The following ENTREP2 variants were observed in gnomAD, a reference collection of about 807,000 sequenced individuals.
ENTREP2 encodes the protein endosomal transmembrane epsin interactor 2.
the ENTREP2 span, among the ~76,000 whole-genome samples, chr15:29,549,274 C>CTTTT: frequency 6.0e-3 from 866 of 145,036 alleles, 19 homozygotes; most frequent in African/African-American, 0.019. Flanking sequence ...ATTTGTTATA[C>CTTTT]ATTTTTTTTT....
chr15:29,620,795 GA>G, the ENTREP2 span, among the ~76,000 whole-genome samples: 1 of 152,124 alleles, frequency 6.6e-6, no homozygotes, highest in Non-Finnish European at 1.5e-5. Context: ...TGCTTGGGCA[GA>G]CAGAGGGTTC....
At chr15:29,345,323 G>A in the ENTREP2 span, among the ~76,000 whole-genome samples, 1 of 152,164 alleles carries the variant, frequency 6.6e-6, no homozygotes, top group Middle Eastern at 3.2e-3. Flanking sequence ...TAATGCCAGG[G>A]TCCTTCCTGT....
chr15:29,196,795 A>C, the ENTREP2 span: 2 of 450,310 alleles, frequency 4.4e-6, no homozygotes, highest in East Asian at 6.9e-5. Flanking sequence ...CATTTGAAGA[A>C]ACTTAAGCTA....
chr15:29,574,518 G>A, the ENTREP2 span, among the ~76,000 whole-genome samples: 2 of 151,988 alleles, frequency 1.3e-5, no homozygotes, highest in Non-Finnish European at 2.9e-5. Context: ...GGTCTAGATC[G>A]CTTGACTTTG....
At chr15:29,278,454 C>T in the ENTREP2 span, among the ~76,000 whole-genome samples, 5 of 152,300 alleles carry the variant, frequency 3.3e-5, no homozygotes, top group African/African-American at 1.2e-4. Context: ...GGCTGTTGTT[C>T]TTTGGGAGAG....
the ENTREP2 span, among the ~76,000 whole-genome samples, chr15:29,534,524 C>G: frequency 1.3e-5 from 2 of 152,170 alleles, no homozygotes; most frequent in African/African-American, 4.8e-5. Flanking sequence ...CTATAAATGA[C>G]CCAGATTAGT....
chr15:29,407,355 A>C, the ENTREP2 span, among the ~76,000 whole-genome samples: 14 of 152,198 alleles, frequency 9.2e-5, no homozygotes, highest in Admixed American at 8.5e-4. Context: ...CATTGAGGGA[A>C]GCGTTGGTGT....
the ENTREP2 span, among the ~76,000 whole-genome samples, chr15:29,471,258 T>G: frequency 1.3e-5 from 2 of 152,146 alleles, no homozygotes; most frequent in Non-Finnish European, 2.9e-5. Flanking sequence ...GCTCCATCAC[T>G]AAGAGTAAAA....
At chr15:29,205,839 T>A in the ENTREP2 span, among the ~76,000 whole-genome samples, 1 of 152,248 alleles carries the variant, frequency 6.6e-6, no homozygotes, top group Non-Finnish European at 1.5e-5. Flanking sequence ...TCCATCACTT[T>A]CACAAAAACT....
the ENTREP2 span, among the ~76,000 whole-genome samples, chr15:29,190,044 G>A: frequency 6.6e-6 from 1 of 152,174 alleles, no homozygotes; most frequent in Non-Finnish European, 1.5e-5. Flanking sequence ...CCTGTCATCG[G>A]GAAGCAGGGA....
chr15:29,499,091 C>T, the ENTREP2 span, among the ~76,000 whole-genome samples: 1,038 of 152,250 alleles, frequency 6.8e-3, 7 homozygotes, highest in African/African-American at 0.024. Context: ...GTTTTTAAAT[C>T]TATTCAGCCA....
At chr15:29,144,946 C>T in the ENTREP2 span, among the ~76,000 whole-genome samples, 3 of 152,020 alleles carry the variant, frequency 2.0e-5, no homozygotes, top group Admixed American at 6.6e-5. Context: ...ATCCCAGCTA[C>T]TAAGGAGGCT....
chr15:29,480,338 CAAAAAAAAAAAAA>C, the ENTREP2 span, among the ~76,000 whole-genome samples: 18 of 29,418 alleles, frequency 6.1e-4, no homozygotes, highest in African/African-American at 1.3e-3. Context: ...TTCACTATAG[CAAAAAAAAAAAAA>C]AAAAAAAAAA....
At chr15:29,486,559 C>T in the ENTREP2 span, among the ~76,000 whole-genome samples, 6 of 152,054 alleles carry the variant, frequency 3.9e-5, no homozygotes, top group Non-Finnish European at 8.8e-5. Context: ...GGCGTGGTGG[C>T]GTGCGCCTGT....
At chr15:29,577,313 GGTGTGTGT>G in the ENTREP2 span, among the ~76,000 whole-genome samples, 4 of 139,800 alleles carry the variant, frequency 2.9e-5, no homozygotes, top group Admixed American at 7.3e-5. Context: ...GACTCAAAGA[GGTGTGTGT>G]GTGTGTGTGT....
At chr15:29,290,352 G>A in the ENTREP2 span, among the ~76,000 whole-genome samples, 5 of 152,160 alleles carry the variant, frequency 3.3e-5, no homozygotes, top group African/African-American at 1.2e-4. Flanking sequence ...GCAGAATCAC[G>A]CGGCTCACTC....
chr15:29,338,145 G>A, the ENTREP2 span, among the ~76,000 whole-genome samples: 1 of 152,076 alleles, frequency 6.6e-6, no homozygotes, highest in East Asian at 1.9e-4. Flanking sequence ...ACCTCACAGG[G>A]AGGGCACTTT....
the ENTREP2 span, among the ~76,000 whole-genome samples, chr15:29,559,550 G>A: frequency 6.6e-6 from 1 of 152,126 alleles, no homozygotes; most frequent in Admixed American, 6.6e-5. Flanking sequence ...AATTCAAGGG[G>A]TCACAAGCCT....
chr15:29,292,727 C>T, the ENTREP2 span, among the ~76,000 whole-genome samples: 36 of 152,258 alleles, frequency 2.4e-4, 1 homozygote, highest in South Asian at 1.0e-3. Context: ...GTACTAAGAT[C>T]ATGTATATGT....
Sources: allele counts gnomAD v4.1 joint callset (sites outside exome capture counted in the v4.1 genomes callset), GRCh38; gene constraint gnomAD v4.1.1; transcripts MANE v1.5; gene names NCBI Gene and HGNC (gene_info 2026-07-23, HGNC 2026-07-21).